CEP63: variants seen among roughly 807,000 people sequenced by gnomAD.
The protein encoded by CEP63 is centrosomal protein 63.
In CEP63, 84 loss-of-function variants were observed where a neutral mutation model predicts 89.1. That is an observed-to-expected ratio of 0.94 (90% CI 0.79 to 1.13). CEP63 has a LOEUF of 1.13. Among genes scored for constraint, CEP63 ranks in the 50% most tolerant of loss-of-function variants. The probability of loss-of-function intolerance (pLI) is 0.00; values close to 1 mark genes in which losing one functional copy is unlikely to be tolerated. For synonymous variants in CEP63, 267 were observed against 272.5 expected (o/e 0.98, Z 0.20); for missense variants, 838 against 813.3 (o/e 1.03, Z -0.37).
At chr3:134,763,550 C>G in the CEP63 span, among the ~76,000 whole-genome samples, 5 of 152,158 alleles carry the variant, frequency 3.3e-5, no homozygotes, top group African/African-American at 1.2e-4. Context: ...CCCAGGCAAC[C>G]CTGCCCAGTA....
chr3:134,542,399 A>G (rs1476056552), intron 6 of CEP63, among the ~76,000 whole-genome samples: 4 of 152,214 alleles, frequency 2.6e-5, no homozygotes, highest in Non-Finnish European at 2.9e-5. Context: ...AGTAGCATAG[A>G]CACAACAGTG....
chr3:134,547,204 T>C (rs1042891051), intron 8 of CEP63, 131 bp from the exon 9 acceptor site: 5 of 782,002 alleles, frequency 6.4e-6, no homozygotes, highest in Non-Finnish European at 4.3e-6. Flanking sequence ...ATATTCTTTT[T>C]ATAAAGCAGG....
chr3:134,743,383 G>A, the CEP63 span, among the ~76,000 whole-genome samples: 433 of 152,254 alleles, frequency 2.8e-3, 2 homozygotes, highest in Non-Finnish European at 4.8e-3. Flanking sequence ...GAAAATTCTC[G>A]CTGGTAGAGT....
chr3:134,745,655 G>A, the CEP63 span, among the ~76,000 whole-genome samples: 5 of 151,994 alleles, frequency 3.3e-5, no homozygotes, highest in African/African-American at 1.2e-4. Flanking sequence ...TTTACATTAG[G>A]TATTTCTCTT....
chr3:134,592,824 G>A, the CEP63 span, among the ~76,000 whole-genome samples: 23 of 151,976 alleles, frequency 1.5e-4, no homozygotes, highest in Non-Finnish European at 2.8e-4. Flanking sequence ...CAGCTCTCTC[G>A]AGTGGAAGGT....
At chr3:134,666,209 AGAAG>A in the CEP63 span, among the ~76,000 whole-genome samples, 1 of 152,186 alleles carries the variant, frequency 6.6e-6, no homozygotes, top group Non-Finnish European at 1.5e-5. Context: ...CAGCACGTTC[AGAAG>A]GAAGAAGCCA....
chr3:134,678,386 A>G, the CEP63 span, among the ~76,000 whole-genome samples: 1 of 152,074 alleles, frequency 6.6e-6, no homozygotes, highest in Non-Finnish European at 1.5e-5. Flanking sequence ...AACCCTCTGG[A>G]CTTGTCTCTA....
chr3:134,599,377 A>G, the CEP63 span, among the ~76,000 whole-genome samples: 1 of 152,164 alleles, frequency 6.6e-6, no homozygotes, highest in East Asian at 1.9e-4. Flanking sequence ...TGGGAACACA[A>G]GTTCTTTTTG....
chr3:134,665,694 C>G, the CEP63 span, among the ~76,000 whole-genome samples: 51 of 82,434 alleles, frequency 6.2e-4, 2 homozygotes, highest in East Asian at 3.3e-3. Flanking sequence ...CACACACACA[C>G]ACACACACAG....
the CEP63 span, among the ~76,000 whole-genome samples, chr3:134,693,777 G>A: frequency 6.6e-6 from 1 of 152,208 alleles, no homozygotes; most frequent in Non-Finnish European, 1.5e-5. Context: ...TGAGTGCAAG[G>A]GCTTGCAGGG....
the CEP63 span, among the ~76,000 whole-genome samples, chr3:134,778,193 G>T: frequency 6.6e-6 from 1 of 150,684 alleles, no homozygotes; most frequent in Non-Finnish European, 1.5e-5. Flanking sequence ...TGTCTCCTGG[G>T]TTCAAGCAAT....
At chr3:134,539,721 TTA>T (rs1392537267) in intron 6 of CEP63, among the ~76,000 whole-genome samples, 3 of 152,206 alleles carry the variant, frequency 2.0e-5, no homozygotes, top group African/African-American at 7.2e-5. Context: ...AATTTTTTTC[TTA>T]TATGTTTTTA....
chr3:134,588,720 G>A (rs962882813), downstream of CEP63, among the ~76,000 whole-genome samples: 5 of 152,108 alleles, frequency 3.3e-5, no homozygotes, highest in Middle Eastern at 3.2e-3. Flanking sequence ...ATAAGGAGTA[G>A]CAATTAATGA....
At chr3:134,583,502 T>C (rs534879160) in intron 10 of CEP63, among the ~76,000 whole-genome samples, 1 of 152,306 alleles carries the variant, frequency 6.6e-6, no homozygotes, top group South Asian at 2.1e-4. Context: ...ATGTGTGGTA[T>C]TATTTCTGAG....
the CEP63 span, among the ~76,000 whole-genome samples, chr3:134,761,987 A>C: frequency 2.0e-5 from 3 of 152,164 alleles, no homozygotes; most frequent in Non-Finnish European, 4.4e-5. Flanking sequence ...TCTTATCCTG[A>C]GATTTAACAG....
the CEP63 span, among the ~76,000 whole-genome samples, chr3:134,617,762 G>A: frequency 1.3e-4 from 20 of 152,320 alleles, no homozygotes; most frequent in South Asian, 2.1e-3. Flanking sequence ...GTCCTGGAGC[G>A]GGGCCTGGAA....
At chr3:134,741,365 C>T in the CEP63 span, among the ~76,000 whole-genome samples, 2 of 152,196 alleles carry the variant, frequency 1.3e-5, no homozygotes, top group African/African-American at 2.4e-5. Flanking sequence ...CCCTCATTCC[C>T]TCCTAGCTTC....
the CEP63 span, among the ~76,000 whole-genome samples, chr3:134,731,033 G>T: frequency 6.6e-6 from 1 of 152,052 alleles, no homozygotes; most frequent in South Asian, 2.1e-4. Flanking sequence ...AAATAATCAA[G>T]ATATAATGGT....
chr3:134,488,512 G>A (rs1936466310), intron 1 of CEP63, among the ~76,000 whole-genome samples: 1 of 152,036 alleles, frequency 6.6e-6, no homozygotes, highest in Non-Finnish European at 1.5e-5. Flanking sequence ...GGGAGGCTGA[G>A]GCAGGAGAAT....
Sources: gnomAD v4.1 joint callset for allele counts (sites outside exome capture counted in the v4.1 genomes callset) on GRCh38, gnomAD v4.1.1 for gene constraint, MANE v1.5 for transcripts, NCBI Gene and HGNC (gene_info 2026-07-23, HGNC 2026-07-21) for gene names.